Variants in DCHS2 observed in about 807,000 individuals in gnomAD.
DCHS2 encodes dachsous cadherin-related 2.
Under a neutral mutation model 182.4 loss-of-function variants are expected in DCHS2, and 142 were observed. The observed-to-expected ratio is 0.78, with a 90% CI of 0.68 to 0.89. DCHS2 has a LOEUF of 0.89. DCHS2 is among the 40% of genes least tolerant of loss of function. The pLI, the probability that DCHS2 is intolerant of heterozygous loss-of-function variation, is 0.00. For synonymous variants in DCHS2, 1,740 were observed against 1,663.3 expected, an observed-to-expected ratio of 1.05 and a Z score of -1.12; for missense variants, 4,319 against 4,198.6, an observed-to-expected ratio of 1.03 and a Z score of -0.79.
rs180963869 is a variant in DCHS2 at position 154,255,802 on chromosome 4, T to C, written c.6790-132A>G. 7.3e-5 allele frequency: 98 copies of C among 1,334,888 alleles called. No homozygotes were observed. The Admixed American group carries it at 2.4e-3, about 33-fold the overall frequency. 82.7% of individuals were successfully genotyped at this position (1,334,888 alleles called of 1,614,324 possible). The stretch of plus-strand genomic sequence containing the variant: ...TTTTAAAAACAACGATGAAATGAAA[T>C]ACCAACAGACAACTGAAGCTTACAT... On this transcript the variant is annotated intron_variant, in intron 15 of 19. Transcript: ENST00000357232.
intron 2 of DCHS2, among the ~76,000 whole-genome samples, chr4:154,370,159 A>G (rs924510224): frequency 4.7e-5 from 7 of 147,994 alleles, no homozygotes; most frequent in African/African-American, 8.0e-5. Flanking sequence ...CTTAAAGGGG[A>G]AAAAAAAGAA....
chr4:154,312,120 G>C (rs2111317014), intron 10 of DCHS2, among the ~76,000 whole-genome samples: 1 of 152,290 alleles, frequency 6.6e-6, no homozygotes, highest in South Asian at 2.1e-4. Context: ...TTAGCATGCT[G>C]TTGTGACTTT....
At chr4:154,255,024 T>C (rs755161637) in intron 16 of DCHS2, among the ~76,000 whole-genome samples, 7 of 152,226 alleles carry the variant, frequency 4.6e-5, no homozygotes, top group Non-Finnish European at 1.0e-4. Context: ...AAAGTTTTAA[T>C]GTTAAATGTA....
At chr4:154,391,616 A>T (rs1415423830) in intron 1 of DCHS2, among the ~76,000 whole-genome samples, 1 of 152,098 alleles carries the variant, frequency 6.6e-6, no homozygotes, top group East Asian at 1.9e-4. Flanking sequence ...GGGCCAGCCA[A>T]CCTCATCTGA....
intron 1 of DCHS2, among the ~76,000 whole-genome samples, chr4:154,421,405 T>TA (rs143862638): frequency 6.7e-6 from 1 of 148,752 alleles, no homozygotes; most frequent in East Asian, 2.0e-4. Flanking sequence ...TAATTTAATT[T>TA]ATTTATTTGA....
At chr4:154,425,125 G>A (rs773476721) in intron 1 of DCHS2, among the ~76,000 whole-genome samples, 24 of 152,188 alleles carry the variant, frequency 1.6e-4, no homozygotes, top group Non-Finnish European at 3.4e-4. Context: ...CACCATGGCT[G>A]TGCAACAGGA....
intron 1 of DCHS2, among the ~76,000 whole-genome samples, chr4:154,436,419 A>C (rs1733780455): frequency 1.3e-5 from 2 of 152,228 alleles, no homozygotes; most frequent in Admixed American, 1.3e-4. Context: ...TAAATGTTAG[A>C]TTTGACTGCA....
At position 154,427,418 on chromosome 4, in the gene DCHS2, C is replaced by T. The variant is rs145201209; in HGVS notation, c.2053-49974G>A. 2.3e-3 allele frequency among the ~76,000 whole-genome samples: 355 copies of T among 152,346 alleles called. 1 individual carries two copies. The highest frequency in any genetic ancestry group is 8.1e-3 in the African/African-American group (337 of 41,576). On this transcript the variant is annotated intron_variant, in intron 1 of 19. Coordinates refer to ENST00000357232, the MANE Select transcript of DCHS2 (RefSeq NM_001358235.2). The stretch of plus-strand genomic sequence containing the variant: ...TAACAGCTCTAAGAGAAGAGCTGTT[C>T]TGTACCACACTTCTCTTTTCCGTAT...
At chr4:154,407,824 A>G (rs1319323241) in intron 1 of DCHS2, among the ~76,000 whole-genome samples, 6 of 152,196 alleles carry the variant, frequency 3.9e-5, no homozygotes, top group Admixed American at 1.3e-4. Flanking sequence ...ACCATTTTCT[A>G]TTGGTAGGTC....
intron 3 of DCHS2, chr4:154,354,800 G>A (rs958305145): frequency 2.0e-5 from 3 of 152,034 alleles, no homozygotes; most frequent in Non-Finnish European, 4.4e-5. Context: ...TACTCTCTAC[G>A]TCAGACATGC....
At position 154,315,949 on chromosome 4, in the gene DCHS2, T is replaced by G. The variant is rs138544969; in HGVS notation, c.5059A>C (p.Lys1687Gln). The change falls in exon 10 of 20, where the codon AAA becomes CAA. Residue 1687 changes from lysine (K) to glutamine (Q), a missense_variant. Lys to Gln is a moderately conservative substitution (Grantham distance 53). Coordinates refer to ENST00000357232, the MANE Select transcript of DCHS2 (RefSeq NM_001358235.2). The stretch of plus-strand genomic sequence containing the variant: ...AGAACAGTCAGAATATGCTGAGTTT[T>G]CATTTCATAATCCAAAGGACAGGTT... ...TTTCPLDYEM[K>Q]TQHILTVLAL... 2.6e-5 allele frequency: 42 copies of G among 1,614,066 alleles called. 1 individual carries two copies. The East Asian group carries it at 9.1e-4, about 35-fold the overall frequency.
At chr4:154,407,021 C>G (rs1732428251) in intron 1 of DCHS2, among the ~76,000 whole-genome samples, 1 of 152,196 alleles carries the variant, frequency 6.6e-6, no homozygotes, top group African/African-American at 2.4e-5. Flanking sequence ...AAGCAGCCAC[C>G]CTCCCAAGTT....
At chr4:154,304,616 GA>G in intron 12 of DCHS2, 52 bp downstream of exon 12, 1 of 1,525,126 alleles carries the variant, frequency 6.6e-7, no homozygotes, top group South Asian at 1.3e-5. Flanking sequence ...GTGACAGAGT[GA>G]GACTCTGTCT....
intron 13 of DCHS2, among the ~76,000 whole-genome samples, chr4:154,277,630 C>CAAAAAAAAAA (rs35543228): frequency 9.8e-6 from 1 of 102,514 alleles, no homozygotes; most frequent in African/African-American, 3.6e-5. Flanking sequence ...GAAATCACAC[C>CAAAAAAAAAA]AAAAAAAAAA....
intron 10 of DCHS2, among the ~76,000 whole-genome samples, chr4:154,307,482 G>A (rs1735492564): frequency 6.6e-6 from 1 of 151,762 alleles, no homozygotes; most frequent in Non-Finnish European, 1.5e-5. Context: ...CCTTCTCTTA[G>A]ACTTCAAGAC....
intron 1 of DCHS2, among the ~76,000 whole-genome samples, chr4:154,487,573 A>G (rs1728629980): frequency 6.6e-6 from 1 of 152,212 alleles, no homozygotes; most frequent in East Asian, 1.9e-4. Context: ...AGGGATGGAG[A>G]TTATTATCAC....
intron 1 of DCHS2, among the ~76,000 whole-genome samples, chr4:154,466,489 A>G (rs977779415): frequency 6.6e-6 from 1 of 152,220 alleles, no homozygotes; most frequent in South Asian, 2.1e-4. Flanking sequence ...CTTCATCCTG[A>G]ATGGAGACAT....
rs33985237 is a variant in DCHS2 at position 154,428,978 on chromosome 4, T to TAA, written c.2053-51536_2053-51535dup. Among the ~76,000 whole-genome samples the TAA allele has an allele frequency of 7.6e-4, 113 of 148,886 alleles. 1 individual carries two copies. Among genetic ancestry groups the TAA allele is most frequent in the Admixed American group, 2.8e-3 (42 of 14,938 alleles). ...AGAGAATCAAAAGAAGGGGTAAGTTTAAAAAAAAAAGGAGATGAATGAAAT... is the reference window on the plus strand; with the variant it reads ...AGAGAATCAAAAGAAGGGGTAAGTTTAAAAAAAAAAAAGGAGATGAATGAAAT... On this transcript the variant is annotated intron_variant, in intron 1 of 19. Coordinates refer to ENST00000357232, the MANE Select transcript of DCHS2 (RefSeq NM_001358235.2).
rs752319859 is a variant in DCHS2, at chr4:154,270,014, C to T, written c.6464-1G>A. 6.3e-7 allele frequency: 1 copy of T among 1,591,236 alleles called. No individual in the cohort carries two copies. The highest frequency in any genetic ancestry group is 8.5e-7 in the Non-Finnish European group (1 of 1,173,518). On this transcript the variant is annotated splice_acceptor_variant, in intron 13 of 19. Transcript: ENST00000357232. LOFTEE classifies it high-confidence loss of function. ...GCTTTAACAGTCACAATAGAAGTAC[C>T]TGTAAAAATTAGGTAAAAAAAGAAC...
Sources: allele counts gnomAD v4.1 joint callset (sites outside exome capture counted in the v4.1 genomes callset), GRCh38; gene constraint gnomAD v4.1.1; transcripts MANE v1.5; gene names NCBI Gene and HGNC (gene_info 2026-07-23, HGNC 2026-07-21).